Variants in ADGRB3 observed in about 807,000 individuals in gnomAD.
ADGRB3 encodes adhesion G protein-coupled receptor B3, also known as brain-specific angiogenesis inhibitor 3.
ADGRB3 carries 37 observed loss-of-function variants against 193.4 expected under a neutral mutation model. That is an observed-to-expected ratio of 0.19 (90% CI 0.15 to 0.25). ADGRB3 has a LOEUF of 0.25. Ranked by LOEUF, ADGRB3 falls within the 10% of genes least tolerant of loss-of-function variation. The pLI is 1.00. For missense variants in ADGRB3, 1,637 were observed against 1,852.9 expected (o/e 0.88, Z 2.14); for synonymous variants, 690 against 644.2 (o/e 1.07, Z -1.08).
intron 13 of ADGRB3, among the ~76,000 whole-genome samples, chr6:69,019,408 T>G (rs1257870932): frequency 6.6e-6 from 1 of 152,004 alleles, no homozygotes; most frequent in Non-Finnish European, 1.5e-5. Flanking sequence ...GGTGGGAGAA[T>G]TAACTAGGGA....
chr6:68,854,017 C>T (rs1042120671), intron 3 of ADGRB3, among the ~76,000 whole-genome samples: 2 of 152,210 alleles, frequency 1.3e-5, no homozygotes, highest in Admixed American at 1.3e-4. Flanking sequence ...CTGCTCATTT[C>T]TTGCTGTGAT....
At chr6:69,295,925 C>G (rs1278244332) in intron 20 of ADGRB3, among the ~76,000 whole-genome samples, 1 of 152,134 alleles carries the variant, frequency 6.6e-6, no homozygotes, top group Admixed American at 6.6e-5. Flanking sequence ...CAGAACCAGA[C>G]TAGAATATGT....
At chr6:69,310,777 A>G (rs1006732154) in intron 20 of ADGRB3, among the ~76,000 whole-genome samples, 1 of 151,696 alleles carries the variant, frequency 6.6e-6, no homozygotes, top group Non-Finnish European at 1.5e-5. Context: ...GAATTTCTCA[A>G]TGACAAAAGC....
chr6:69,104,452 T>C (rs1773154328), intron 17 of ADGRB3, among the ~76,000 whole-genome samples: 1 of 151,882 alleles, frequency 6.6e-6, no homozygotes, highest in Non-Finnish European at 1.5e-5. Context: ...GACATTTGGG[T>C]TGGTTCCAAG....
chr6:68,971,965 GGCA>G (rs1170578025), intron 8 of ADGRB3, among the ~76,000 whole-genome samples: 2 of 152,300 alleles, frequency 1.3e-5, no homozygotes, highest in East Asian at 3.9e-4. Flanking sequence ...GCTGGTGGGA[GGCA>G]GGATGGGGCA....
intron 3 of ADGRB3, among the ~76,000 whole-genome samples, chr6:68,895,790 C>T (rs1523936): frequency 0.79 from 119,262 of 151,040 alleles, 47,616 homozygotes; most frequent in Middle Eastern, 0.85. Flanking sequence ...GTTTTTTTTT[C>T]CTCCTGAATT....
intron 3 of ADGRB3, among the ~76,000 whole-genome samples, chr6:68,841,877 G>A (rs1413407098): frequency 6.6e-6 from 1 of 152,044 alleles, no homozygotes; most frequent in African/African-American, 2.4e-5. Context: ...AGGGTAGTGA[G>A]GGTGTGTGTG....
chr6:68,909,533 G>A (rs1009101154), intron 3 of ADGRB3, among the ~76,000 whole-genome samples: 3 of 152,144 alleles, frequency 2.0e-5, no homozygotes, highest in African/African-American at 7.2e-5. Context: ...CTAAGGCATA[G>A]TGGCATAGTC....
intron 3 of ADGRB3, among the ~76,000 whole-genome samples, chr6:68,646,493 A>AG (rs1313943846): frequency 6.6e-6 from 1 of 150,636 alleles, no homozygotes; most frequent in Non-Finnish European, 1.5e-5. Flanking sequence ...AAAAAAAAAA[A>AG]GAAAAAAGAA....
intron 3 of ADGRB3, among the ~76,000 whole-genome samples, chr6:68,789,336 T>G (rs1353406642): frequency 1.3e-5 from 2 of 152,178 alleles, no homozygotes; most frequent in Non-Finnish European, 2.9e-5. Flanking sequence ...AGGAGCTCTT[T>G]TAGGGCAGGC....
At chr6:69,166,666 C>T (rs911942725) in intron 17 of ADGRB3, among the ~76,000 whole-genome samples, 9 of 152,060 alleles carry the variant, frequency 5.9e-5, no homozygotes, top group Non-Finnish European at 1.3e-4. Flanking sequence ...CAATTTGCCA[C>T]TCACTGTTGT....
intron 3 of ADGRB3, among the ~76,000 whole-genome samples, chr6:68,855,944 G>A (rs1764975928): frequency 6.6e-6 from 1 of 152,192 alleles, no homozygotes; most frequent in Non-Finnish European, 1.5e-5. Context: ...ATAATTCCCA[G>A]AACAAGGTGA....
At chr6:69,284,691 T>TA (rs1767511467) in intron 20 of ADGRB3, among the ~76,000 whole-genome samples, 2 of 152,300 alleles carry the variant, frequency 1.3e-5, no homozygotes, top group Admixed American at 1.3e-4. Flanking sequence ...TAAGTTGATT[T>TA]ATTATGAATT....
intron 8 of ADGRB3, among the ~76,000 whole-genome samples, chr6:68,966,680 AG>A (rs1271017064): frequency 6.6e-6 from 1 of 152,164 alleles, no homozygotes; most frequent in Non-Finnish European, 1.5e-5. Flanking sequence ...CTCAGCTTAG[AG>A]TGGGCATCCT....
At chr6:69,274,271 C>T (rs998288756) in intron 20 of ADGRB3, among the ~76,000 whole-genome samples, 6 of 152,262 alleles carry the variant, frequency 3.9e-5, no homozygotes, top group Middle Eastern at 3.4e-3. Context: ...CTAAGCCAAA[C>T]CAATTTTGTG....
chr6:68,828,287 A>G (rs1767887671), intron 3 of ADGRB3, among the ~76,000 whole-genome samples: 1 of 152,176 alleles, frequency 6.6e-6, no homozygotes, highest in Admixed American at 6.5e-5. Flanking sequence ...TAGTAAGTAG[A>G]ATGTAATCTC....
At chr6:68,876,465 G>C (rs1765598310) in intron 3 of ADGRB3, among the ~76,000 whole-genome samples, 1 of 151,996 alleles carries the variant, frequency 6.6e-6, no homozygotes, top group Non-Finnish European at 1.5e-5. Context: ...AAAGTGCCTG[G>C]GACTTGAAAT....
chr6:68,999,556 G>A (rs1406584198), intron 11 of ADGRB3, among the ~76,000 whole-genome samples: 8 of 152,110 alleles, frequency 5.3e-5, no homozygotes, highest in Admixed American at 4.6e-4. Context: ...GAGCCACTGC[G>A]CCCAGCCAGA....
intron 3 of ADGRB3, among the ~76,000 whole-genome samples, chr6:68,764,079 T>A (rs963752830): frequency 1.3e-5 from 2 of 152,000 alleles, no homozygotes; most frequent in African/African-American, 2.4e-5. Context: ...CTCAAATACA[T>A]ACATAAATAA....
Sources: allele counts gnomAD v4.1 joint callset (sites outside exome capture counted in the v4.1 genomes callset), GRCh38; gene constraint gnomAD v4.1.1; transcripts MANE v1.5; gene names NCBI Gene and HGNC (gene_info 2026-07-23, HGNC 2026-07-21).